Variants in PBRM1 observed in about 807,000 individuals in gnomAD.
The protein encoded by PBRM1 is polybromo 1.
A neutral mutation model predicts 194.5 loss-of-function variants in PBRM1; 27 were observed. That is an observed-to-expected ratio of 0.14 (90% CI 0.10 to 0.19). The LOEUF is 0.19. Ranked by LOEUF, PBRM1 falls within the 10% of genes least tolerant of loss-of-function variation. The pLI is 1.00. For missense variants in PBRM1, 1,466 were observed against 2,077.2 expected (o/e 0.71, Z 5.72); for synonymous variants, 655 against 693.2 (o/e 0.94, Z 0.87).
At chr3:52,581,194 T>G (rs1006329685) in intron 20 of PBRM1, among the ~76,000 whole-genome samples, 1 of 152,196 alleles carries the variant, frequency 6.6e-6, no homozygotes, top group African/African-American at 2.4e-5. Context: ...GATACTGAAA[T>G]GGTATTCTTG....
chr3:52,678,390 G>A (rs1197548346), intron 2 of PBRM1, 110 bp downstream of exon 3: 1 of 661,858 alleles, frequency 1.5e-6, no homozygotes, highest in Non-Finnish European at 2.7e-6. Flanking sequence ...TTGGACCCCA[G>A]TATCATTTAA....
intron 17 of PBRM1, among the ~76,000 whole-genome samples, chr3:52,593,274 C>A (rs2093271096): frequency 6.6e-6 from 1 of 150,986 alleles, no homozygotes; most frequent in South Asian, 2.1e-4. Context: ...TTTTTTTAAA[C>A]AAGAGTCTTG....
chr3:52,558,963 T>C (rs1415406112), intron 25 of PBRM1, among the ~76,000 whole-genome samples: 1 of 152,214 alleles, frequency 6.6e-6, no homozygotes, highest in African/African-American at 2.4e-5. Context: ...AGTAGCTGAC[T>C]GCCTCCTTCA....
intron 7 of PBRM1, among the ~76,000 whole-genome samples, chr3:52,647,621 C>T (rs2096359086): frequency 6.6e-6 from 1 of 151,352 alleles, no homozygotes; most frequent in East Asian, 1.9e-4. Context: ...CAGTGTATAT[C>T]CCTATAGTAG....
chr3:52,582,086 T>C (rs2091361898), intron 20 of PBRM1, among the ~76,000 whole-genome samples: 1 of 149,126 alleles, frequency 6.7e-6, no homozygotes, highest in African/African-American at 2.5e-5. Context: ...CTACTAAAAA[T>C]ACAAAAATAG....
chr3:52,561,974 A>C lies in PBRM1; in HGVS notation c.4087-6T>G. The C allele has an allele frequency of 6.2e-7, 1 of 1,610,292 alleles. No individual in the cohort carries two copies. The highest frequency in any genetic ancestry group is 8.5e-7 in the Non-Finnish European group (1 of 1,176,540). ...TTGGCAGACTTTGGGGTAGACTGTA[A>C]GACAGAAAGGTCTTATGGTGCATCA... On this transcript the variant is annotated splice_region_variant and splice_polypyrimidine_tract_variant and intron_variant, in intron 24 of 29. Coordinates refer to ENST00000296302, the Ensembl canonical transcript of PBRM1.
chr3:52,652,107 G>A (rs1405815273), intron 5 of PBRM1, among the ~76,000 whole-genome samples: 1 of 152,238 alleles, frequency 6.6e-6, no homozygotes, highest in Non-Finnish European at 1.5e-5. Context: ...GCTGGGGCCG[G>A]GTGCGGTAGC....
intron 5 of PBRM1, among the ~76,000 whole-genome samples, chr3:52,652,287 G>A (rs1344518209): frequency 2.6e-5 from 4 of 151,926 alleles, no homozygotes; most frequent in African/African-American, 9.7e-5. Flanking sequence ...AGGAGGCTGA[G>A]GCAAGAGGAT....
At chr3:52,646,530 G>T (rs2096293418) in intron 7 of PBRM1, among the ~76,000 whole-genome samples, 1 of 152,152 alleles carries the variant, frequency 6.6e-6, no homozygotes, top group South Asian at 2.1e-4. Flanking sequence ...AACTAACCAA[G>T]TCTGGCATAA....
chr3:52,610,030 C>T, intron 15 of PBRM1, 75 bp from the exon 18 acceptor site: 5 of 859,416 alleles, frequency 5.8e-6, no homozygotes, highest in Non-Finnish European at 6.9e-6. Flanking sequence ...AGCATAACCA[C>T]AAGGGACGAT....
At chr3:52,638,986 T>TTGG (rs1491536013) in intron 10 of PBRM1, among the ~76,000 whole-genome samples, 1 of 57,890 alleles carries the variant, frequency 1.7e-5, no homozygotes, top group Non-Finnish European at 3.2e-5. Context: ...CATTTTTTTT[T>TTGG]GGGGGGGGGG....
chr3:52,653,419 A>T (rs1213020061), intron 5 of PBRM1, among the ~76,000 whole-genome samples: 1 of 151,454 alleles, frequency 6.6e-6, no homozygotes, highest in Non-Finnish European at 1.5e-5. Context: ...GTGAAACCCC[A>T]TCTCTACTAA....
At chr3:52,624,324 C>T (rs937883405) in intron 13 of PBRM1, among the ~76,000 whole-genome samples, 3 of 152,160 alleles carry the variant, frequency 2.0e-5, no homozygotes, top group Non-Finnish European at 2.9e-5. Context: ...GAATGTCAGA[C>T]GGCAAATGTG....
chr3:52,656,323 C>T (rs1171228379), intron 5 of PBRM1, among the ~76,000 whole-genome samples: 2 of 152,090 alleles, frequency 1.3e-5, no homozygotes, highest in African/African-American at 4.8e-5. Flanking sequence ...CATTTATCTT[C>T]CTCTTACCCT....
In PBRM1 at chr3:52,604,909, G is replaced by A. The variant is rs191369259; in HGVS notation, c.2568-1177C>T. ...GTGGAGGTTGCAGTGAGCCAAGATC[G>A]CGCCGCTGCACTCTAGTCTGGGCAA... On this transcript the variant is annotated intron_variant, in intron 16 of 29. Coordinates refer to ENST00000296302, the Ensembl canonical transcript of PBRM1. Among the ~76,000 whole-genome samples, 66 of 151,858 alleles carry A rather than the reference G, an allele frequency of 4.3e-4. No individual in the cohort carries two copies. The East Asian group carries it at 8.5e-3, about 20-fold the overall frequency.
At chr3:52,656,076 A>C (rs2096602033) in intron 5 of PBRM1, among the ~76,000 whole-genome samples, 2 of 152,222 alleles carry the variant, frequency 1.3e-5, no homozygotes, top group Non-Finnish European at 2.9e-5. Flanking sequence ...GTATATCCTT[A>C]CCTAGAAATA....
exon 22 of PBRM1, chr3:52,576,628 T>C (rs1467942087): frequency 1.2e-6 from 2 of 1,609,902 alleles, no homozygotes; most frequent in Non-Finnish European, 1.7e-6. Context: ...TCATGCTCTG[T>C]TTCTTCTGGG....
At chr3:52,552,007 A>G (rs943168096) in intron 27 of PBRM1, 1 of 152,202 alleles carries the variant, frequency 6.6e-6, no homozygotes, top group African/African-American at 2.4e-5. Flanking sequence ...TTTGTTAGAA[A>G]ATAACAAGTA....
downstream of PBRM1, chr3:52,546,196 GAAAT>G (rs1040623027): frequency 2.6e-5 from 6 of 232,198 alleles, no homozygotes; most frequent in African/African-American, 4.4e-5. Context: ...ATGAATGCAT[GAAAT>G]AAATAAATAA....
Sources: allele counts gnomAD v4.1 joint callset (sites outside exome capture counted in the v4.1 genomes callset), GRCh38; gene constraint gnomAD v4.1.1; transcripts MANE v1.5; gene names NCBI Gene and HGNC (gene_info 2026-07-23, HGNC 2026-07-21).